The following MYRFL variants were observed in gnomAD, a reference collection of about 807,000 sequenced individuals.
MYRFL encodes myelin regulatory factor-like protein.
In MYRFL, 88 loss-of-function variants were observed where a neutral mutation model predicts 109.4. The observed-to-expected ratio is 0.80, with a 90% CI of 0.68 to 0.96. MYRFL has a LOEUF of 0.96. Ranked by LOEUF, MYRFL falls within the 40% of genes least tolerant of loss-of-function variation. The pLI is 0.00. For missense variants in MYRFL, 957 were observed against 954.9 expected (o/e 1.00, Z -0.03); for synonymous variants, 324 against 320.9 (o/e 1.01, Z -0.10).
chr12:69,861,363 A>G (rs991085716), intron 2 of MYRFL, among the ~76,000 whole-genome samples: 2 of 152,204 alleles, frequency 1.3e-5, no homozygotes, highest in Non-Finnish European at 2.9e-5. Flanking sequence ...CATTCCTACC[A>G]ACAGTGTAAA....
At position 69,918,326 on chromosome 12, in the gene MYRFL, T is replaced by C. The variant is rs73339446; in HGVS notation, c.1602+7396T>C. On this transcript the variant is annotated intron_variant, in intron 13 of 24. Coordinates refer to ENST00000552032, the MANE Select transcript of MYRFL (RefSeq NM_182530.3). ...AACCAAAGAACCGAAAGCAACACCT[T>C]AAGGAACACACCCAATTAGGGCCTG... is the stretch of plus-strand genomic sequence containing the variant. Among the ~76,000 whole-genome samples, 552 of 152,116 alleles carry C rather than the reference T, an allele frequency of 3.6e-3. 2 individuals are homozygous for C. Among genetic ancestry groups the C allele is most frequent in the African/African-American group, 0.013 (539 of 41,492 alleles).
intron 2 of MYRFL, among the ~76,000 whole-genome samples, chr12:69,877,032 T>C (rs1406639753): frequency 7.0e-6 from 1 of 143,334 alleles, no homozygotes; most frequent in African/African-American, 2.6e-5. Flanking sequence ...TCTTTTTTTT[T>C]TTTTTTTTTG....
chr12:69,887,990 G>A (rs922755374), intron 6 of MYRFL, among the ~76,000 whole-genome samples: 2 of 152,162 alleles, frequency 1.3e-5, no homozygotes, highest in Admixed American at 6.5e-5. Context: ...TATGAGCACC[G>A]AGGTATGAAA....
chr12:69,903,441 G>C (rs567480918), intron 10 of MYRFL, among the ~76,000 whole-genome samples: 1 of 152,114 alleles, frequency 6.6e-6, no homozygotes, highest in Non-Finnish European at 1.5e-5. Flanking sequence ...TCCTGCTAGC[G>C]GGGAGGCAGA....
intron 1 of MYRFL, among the ~76,000 whole-genome samples, chr12:69,845,792 GAAA>G (rs71276402): frequency 0.26 from 30,895 of 120,452 alleles, 3,289 homozygotes; most frequent in Non-Finnish European, 0.27. Flanking sequence ...TGGGAAAAGC[GAAA>G]AAAAAAAAAA....
Position 69,910,016 on chromosome 12 carries a change from T to G in MYRFL, c.1431T>G (p.Val477=). The G allele has an allele frequency of 6.5e-7, 1 of 1,535,062 alleles. No homozygotes were observed. Among genetic ancestry groups the G allele is most frequent in the Non-Finnish European group, 8.7e-7 (1 of 1,146,534 alleles). The part of the protein sequence containing the change: ...QLKRIAQMRI[V]EYDYKPEFAS... ...AAAGAATAGCCCAAATGAGAATTGT[T>G]GAATATGACTACAAACCTGAATTTG... Residue 477 remains valine (V), a synonymous_variant, in exon 12 of 25, where the codon GTT becomes GTG. Coordinates refer to ENST00000552032, the MANE Select transcript of MYRFL (RefSeq NM_182530.3).
intron 10 of MYRFL, among the ~76,000 whole-genome samples, chr12:69,898,675 T>C (rs1448246453): frequency 6.6e-6 from 1 of 152,246 alleles, no homozygotes; most frequent in Non-Finnish European, 1.5e-5. Flanking sequence ...TTTTCAGAGT[T>C]AGCATAGCTA....
In MYRFL at chr12:69,855,282, C is replaced by T. The variant is rs893423581; in HGVS notation, c.49C>T (p.Gln17Ter). Reference sequence around the variant, plus strand: ...AGATTTTCAATTTGCCTTTGCAGCTCAGGGAGCCAATGGTACTCTGGAGAA... The same window carrying T: ...AGATTTTCAATTTGCCTTTGCAGCTTAGGGAGCCAATGGTACTCTGGAGAA... ...NEALQQFFEA[Q>*]GANGTLENPA... Residue 17 changes from glutamine (Q) to a stop codon, truncating the protein, a stop_gained and splice_region_variant, in exon 2 of 25, where the codon CAG becomes TAG. Coordinates refer to ENST00000552032, the MANE Select transcript of MYRFL (RefSeq NM_182530.3). LOFTEE classifies it high-confidence loss of function. 2.9e-6 allele frequency: 2 copies of T among 701,204 alleles called. No homozygotes were observed. The highest frequency in any genetic ancestry group is 2.0e-5 in the Admixed American group (1 of 49,532). 43.4% of individuals were successfully genotyped at this position (701,204 alleles called of 1,614,324 possible).
Position 69,903,779 on chromosome 12 carries a change from A to T in MYRFL, c.1318A>T (p.Asn440Tyr). Residue 440 changes from asparagine (N) to tyrosine (Y), a missense_variant, in exon 11 of 25, where the codon AAC becomes TAC. Physicochemically the swap from Asn to Tyr is moderately radical, Grantham distance 143. Transcript: ENST00000552032. ...GGACGAAGCCCTGGTTGTCTGTGGC[A>T]ACATGAAAGTGATGGGGACCATCAT... ...APDEALVVCG[N>Y]MKVMGTIMHP... 1 of 1,535,764 alleles carries T rather than the reference A, an allele frequency of 6.5e-7. No homozygotes were observed. The highest frequency in any genetic ancestry group is 8.7e-7 in the Non-Finnish European group (1 of 1,146,652).
At chr12:69,958,167 G>A in intron 23 of MYRFL, 82 bp from the exon 24 acceptor site, 1 of 1,284,900 alleles carries the variant, frequency 7.8e-7, no homozygotes, top group Non-Finnish European at 1.1e-6. Flanking sequence ...AGTCATTGAG[G>A]AAATGCTTTT....
chr12:69,942,339 G>A (rs1188288511), intron 19 of MYRFL, among the ~76,000 whole-genome samples: 3 of 134,510 alleles, frequency 2.2e-5, no homozygotes, highest in African/African-American at 8.5e-5. Context: ...TATCCACCAT[G>A]ATCAAGTGGG....
At chr12:69,836,757 T>C (rs1010141646) in intron 1 of MYRFL, among the ~76,000 whole-genome samples, 5 of 152,190 alleles carry the variant, frequency 3.3e-5, no homozygotes, top group African/African-American at 1.2e-4. Context: ...GAGGCAGGTT[T>C]CTGTGTGAGA....
At chr12:69,916,088 C>T (rs1361959384) in intron 13 of MYRFL, among the ~76,000 whole-genome samples, 2 of 151,786 alleles carry the variant, frequency 1.3e-5, no homozygotes, top group Non-Finnish European at 2.9e-5. Context: ...GTACTTTTTA[C>T]TCATTGATTC....
chr12:69,866,127 A>G (rs937808012), intron 2 of MYRFL, among the ~76,000 whole-genome samples: 18 of 152,182 alleles, frequency 1.2e-4, no homozygotes, highest in African/African-American at 4.3e-4. Flanking sequence ...TTTTAGGTTA[A>G]TTGATATTTT....
chr12:69,938,518 T>A (rs1277905877), intron 19 of MYRFL, among the ~76,000 whole-genome samples: 1 of 152,196 alleles, frequency 6.6e-6, no homozygotes, highest in African/African-American at 2.4e-5. Flanking sequence ...GGACCATATA[T>A]ACACTAGTGG....
intron 13 of MYRFL, among the ~76,000 whole-genome samples, chr12:69,922,531 ATTCAT>A (rs1039794228): frequency 4.6e-5 from 7 of 152,144 alleles, no homozygotes; most frequent in African/African-American, 1.7e-4. Context: ...TTCCCCAGTT[ATTCAT>A]TTCAATTCTT....
chr12:69,895,530 G>A lies in MYRFL; in HGVS notation c.1091+49G>A, dbSNP rs1414845184. 4 of 1,475,390 alleles carry A rather than the reference G, an allele frequency of 2.7e-6. No homozygotes were observed. The Admixed American group carries it at 5.9e-5, about 22-fold the overall frequency. 91.4% of individuals were successfully genotyped at this position (1,475,390 alleles called of 1,614,324 possible). ...GCAGTGTGGCTGGGTACTTTATCTG[G>A]CCAGGAAGTGCCCTCCTGGGGCCCC... On this transcript the variant is annotated intron_variant, in intron 9 of 24. Coordinates refer to ENST00000552032, the MANE Select transcript of MYRFL (RefSeq NM_182530.3).
At chr12:69,841,808 T>TA (rs1311591953) in intron 1 of MYRFL, among the ~76,000 whole-genome samples, 2 of 152,198 alleles carry the variant, frequency 1.3e-5, no homozygotes, top group African/African-American at 4.8e-5. Flanking sequence ...CAGTTTTTCT[T>TA]ACTGGTCTAT....
intron 11 of MYRFL, among the ~76,000 whole-genome samples, chr12:69,906,041 C>T (rs1954348062): frequency 6.6e-6 from 1 of 152,224 alleles, no homozygotes; most frequent in Non-Finnish European, 1.5e-5. Context: ...TGCATTCTAA[C>T]CACAGCTGGC....
Sources: gnomAD v4.1 joint callset for allele counts (sites outside exome capture counted in the v4.1 genomes callset) on GRCh38, gnomAD v4.1.1 for gene constraint, MANE v1.5 for transcripts, NCBI Gene and HGNC (gene_info 2026-07-23, HGNC 2026-07-21) for gene names.